HDAC9: variants seen among roughly 807,000 people sequenced by gnomAD.
HDAC9 encodes the protein histone deacetylase 9, also known as MEF-2 interacting transcription repressor (MITR) protein.
HDAC9 carries 41 observed loss-of-function variants against 139.4 expected under a neutral mutation model. That is an observed-to-expected ratio of 0.29 (90% CI 0.23 to 0.38). The LOEUF (loss-of-function observed/expected upper bound fraction) is 0.38, where lower values mean the gene tolerates loss of function less well. Ranked by LOEUF, HDAC9 falls within the 10% of genes least tolerant of loss-of-function variation. HDAC9 has a pLI of 1.00. For missense variants in HDAC9, 1,147 were observed against 1,297.0 expected, an observed-to-expected ratio of 0.88 and a Z score of 1.78; for synonymous variants, 517 against 476.2, an observed-to-expected ratio of 1.09 and a Z score of -1.12.
intron 21 of HDAC9, among the ~76,000 whole-genome samples, chr7:18,836,397 T>C (rs527934835): frequency 1.3e-5 from 2 of 152,308 alleles, no homozygotes; most frequent in South Asian, 2.1e-4. Context: ...ATCCCTTTTT[T>C]ACATAGCACC....
At chr7:18,529,442 A>G (rs750850889) in intron 2 of HDAC9, among the ~76,000 whole-genome samples, 1 of 152,246 alleles carries the variant, frequency 6.6e-6, no homozygotes, top group Non-Finnish European at 1.5e-5. Flanking sequence ...TTAAGTTTTC[A>G]TCCAACACTT....
In HDAC9 at chr7:18,191,057, A is replaced by AC. The variant is rs987401133; in HGVS notation, c.25+28713dup. On this transcript the variant is annotated intron_variant, in intron 2 of 12. Transcript: ENST00000417496. ...CACAGGGATTAAGGGTGCTATCACC[A>AC]CCCCCAGTGGAAAATTCATGTGTAA... Among the ~76,000 whole-genome samples the AC allele has an allele frequency of 5.5e-4, 84 of 152,220 alleles. 2 individuals carry two copies. The highest frequency in any genetic ancestry group is 6.8e-3 in the Middle Eastern group (2 of 294).
intron 22 of HDAC9, among the ~76,000 whole-genome samples, chr7:18,879,006 A>G (rs1015582695): frequency 7.2e-5 from 11 of 152,164 alleles, no homozygotes; most frequent in Non-Finnish European, 1.2e-4. Context: ...GCATTCCTAC[A>G]CACCAACAAC....
At chr7:18,091,276 G>A (rs1438902181) in intron 1 of HDAC9, among the ~76,000 whole-genome samples, 1 of 152,206 alleles carries the variant, frequency 6.6e-6, no homozygotes. Flanking sequence ...TTCAAAGAGA[G>A]GAAAACTACT....
Position 18,926,815 on chromosome 7 carries a change from G to T in HDAC9, c.2804-8994G>T, listed in dbSNP as rs139566351. ...CAATTTATTCATTTGCTTTCAAAAG[G>T]TGCTGAGAATATAAACTTACCTCCT... is the stretch of plus-strand genomic sequence containing the variant. On this transcript the variant is annotated intron_variant, in intron 22 of 25. Coordinates refer to ENST00000686413, the MANE Select transcript of HDAC9 (RefSeq NM_178425.4). Among the ~76,000 whole-genome samples, 353 of 152,228 alleles carry T rather than the reference G, an allele frequency of 2.3e-3. 4 individuals are homozygous for T. Among genetic ancestry groups the T allele is most frequent in the African/African-American group, 8.1e-3 (336 of 41,538 alleles).
chr7:18,177,421 TA>T (rs1325340731), intron 2 of HDAC9, among the ~76,000 whole-genome samples: 1 of 152,164 alleles, frequency 6.6e-6, no homozygotes, highest in Non-Finnish European at 1.5e-5. Flanking sequence ...TTAAGGTATA[TA>T]AGAACCCGTA....
At chr7:18,660,834 A>G (rs1006689401) in intron 11 of HDAC9, among the ~76,000 whole-genome samples, 2 of 152,146 alleles carry the variant, frequency 1.3e-5, no homozygotes, top group African/African-American at 4.8e-5. Flanking sequence ...TGTGAGAAAG[A>G]GAGAACAAGA....
chr7:18,964,865 G>C (rs147510326), intron 24 of HDAC9, among the ~76,000 whole-genome samples: 1 of 152,292 alleles, frequency 6.6e-6, no homozygotes, highest in African/African-American at 2.4e-5. Flanking sequence ...GGGATTATGA[G>C]GATTACAATT....
At chr7:18,695,632 C>A (rs543098997) in intron 12 of HDAC9, among the ~76,000 whole-genome samples, 1 of 152,080 alleles carries the variant, frequency 6.6e-6, no homozygotes, top group Non-Finnish European at 1.5e-5. Context: ...TTTAGTTTGA[C>A]CTTGATGTCA....
intron 2 of HDAC9, among the ~76,000 whole-genome samples, chr7:18,513,401 A>G (rs549307978): frequency 2.0e-5 from 3 of 152,348 alleles, no homozygotes; most frequent in East Asian, 1.9e-4. Context: ...CAAAGAAGAA[A>G]GGTAGATAAC....
chr7:18,884,744 G>C lies in HDAC9; in HGVS notation c.2803+10148G>C, dbSNP rs73320082. Among the ~76,000 whole-genome samples the C allele has an allele frequency of 6.5e-3, 984 of 152,222 alleles. 13 individuals are homozygous for C. The highest frequency in any genetic ancestry group is 0.022 in the African/African-American group (901 of 41,540). On this transcript the variant is annotated intron_variant, in intron 22 of 25. Transcript: ENST00000686413. Reference sequence around the variant, plus strand: ...AGTTGGGGCTTCTGTTTCTTCTTTAGTATGTAGCACTTGAAAACATGAAGG... The same window carrying C: ...AGTTGGGGCTTCTGTTTCTTCTTTACTATGTAGCACTTGAAAACATGAAGG...
intron 1 of HDAC9, among the ~76,000 whole-genome samples, chr7:18,110,611 T>G (rs954910207): frequency 3.3e-5 from 5 of 152,076 alleles, no homozygotes; most frequent in Non-Finnish European, 4.4e-5. Context: ...GCTGTGTAAG[T>G]GCTGGGGTAA....
At position 18,761,322 on chromosome 7, in the gene HDAC9, A is replaced by T. The variant is rs182203893; in HGVS notation, c.2044-835A>T. On this transcript the variant is annotated intron_variant, in intron 14 of 25. Coordinates refer to ENST00000686413, the MANE Select transcript of HDAC9 (RefSeq NM_178425.4). ...GCTGTAATTTGTTAGCTGGAGTGAA[A>T]GTCTCTGCCTAGCCTTTTTGGAAAA... 8.5e-3 allele frequency among the ~76,000 whole-genome samples: 1,302 copies of T among 152,318 alleles called. 11 individuals are homozygous for T. The highest frequency in any genetic ancestry group is 0.013 in the Non-Finnish European group (889 of 68,028).
chr7:18,668,374 A>T, intron 12 of HDAC9: 2 of 932,184 alleles, frequency 2.1e-6, no homozygotes, highest in Non-Finnish European at 1.3e-6. Context: ...AAAATTGTAT[A>T]TTTTTTCCAT....
intron 6 of HDAC9, among the ~76,000 whole-genome samples, chr7:18,595,901 G>T (rs1380653453): frequency 6.6e-6 from 1 of 151,990 alleles, no homozygotes. Flanking sequence ...CCTCTGTGAA[G>T]AATAAATAAC....
intron 2 of HDAC9, among the ~76,000 whole-genome samples, chr7:18,259,616 C>T (rs943603620): frequency 2.6e-5 from 4 of 152,110 alleles, no homozygotes; most frequent in Non-Finnish European, 5.9e-5. Flanking sequence ...TCACCTACCT[C>T]AGCCTCCCAA....
At chr7:18,177,975 T>G (rs1368289966) in intron 2 of HDAC9, among the ~76,000 whole-genome samples, 1 of 151,932 alleles carries the variant, frequency 6.6e-6, no homozygotes, top group Non-Finnish European at 1.5e-5. Flanking sequence ...CCTTTTCTTT[T>G]TGCTTATTCA....
At chr7:18,879,681 A>C (rs904536440) in intron 22 of HDAC9, among the ~76,000 whole-genome samples, 1 of 152,194 alleles carries the variant, frequency 6.6e-6, no homozygotes, top group Non-Finnish European at 1.5e-5. Context: ...TTAAAGACTT[A>C]AATATAAAAC....
At chr7:18,110,618 G>A (rs1206332188) in intron 1 of HDAC9, among the ~76,000 whole-genome samples, 1 of 152,158 alleles carries the variant, frequency 6.6e-6, no homozygotes, top group African/African-American at 2.4e-5. Context: ...AAGTGCTGGG[G>A]TAAAGAGTTT....
Sources: gnomAD v4.1 joint callset for allele counts (sites outside exome capture counted in the v4.1 genomes callset) on GRCh38, gnomAD v4.1.1 for gene constraint, MANE v1.5 for transcripts, NCBI Gene and HGNC (gene_info 2026-07-23, HGNC 2026-07-21) for gene names.